Variants in CENPF observed in about 807,000 individuals in gnomAD.
CENPF encodes centromere protein F.
In CENPF, 214 loss-of-function variants were observed where a neutral mutation model predicts 307.3. The ratio of observed to expected loss-of-function variants is 0.70; its 90% CI spans 0.62 to 0.78. The LOEUF (loss-of-function observed/expected upper bound fraction) is 0.78, where lower values mean the gene tolerates loss of function less well. Ranked by LOEUF, CENPF falls within the 30% of genes least tolerant of loss-of-function variation. The pLI, the probability that CENPF is intolerant of heterozygous loss-of-function variation, is 0.00. For synonymous variants in CENPF, 1,259 were observed against 1,270.6 expected, an observed-to-expected ratio of 0.99 and a Z score of 0.19; for missense variants, 3,401 against 3,483.9, an observed-to-expected ratio of 0.98 and a Z score of 0.60.
chr1:214,608,452 A>T (rs1330053682), intron 1 of CENPF: 1 of 1,613,156 alleles, frequency 6.2e-7, no homozygotes, highest in Admixed American at 1.7e-5. Context: ...GCCAATGTAG[A>T]AGCTGCTCAT....
Position 214,627,333 on chromosome 1 carries a change from A to G in CENPF, c.1069-1713A>G, listed in dbSNP as rs144361658. Among the ~76,000 whole-genome samples the G allele has an allele frequency of 5.1e-3, 753 of 148,994 alleles. 3 individuals carry two copies. Among genetic ancestry groups the G allele is most frequent in the Non-Finnish European group, 8.4e-3 (571 of 67,588 alleles). On this transcript the variant is annotated intron_variant, in intron 7 of 19. Coordinates refer to ENST00000366955, the MANE Select transcript of CENPF (RefSeq NM_016343.4). ...CTCAGTCTCCCAAAGTGCTGGGATTACAGGTGTGAGACATCGCACCCAACC... is the reference window on the plus strand; with the variant it reads ...CTCAGTCTCCCAAAGTGCTGGGATTGCAGGTGTGAGACATCGCACCCAACC...
At position 214,651,896 on chromosome 1, in the gene CENPF, G is replaced by A. The variant is rs560011391; in HGVS notation, c.8160+10G>A. On this transcript the variant is annotated intron_variant, in intron 15 of 19. Coordinates refer to ENST00000366955, the MANE Select transcript of CENPF (RefSeq NM_016343.4). ...GGACACAAACAAACAGGTGAAATGT[G>A]GGGTTTGGTTACTGGGGGAGCTGGA... 13 of 1,589,582 alleles carry A rather than the reference G, an allele frequency of 8.2e-6. No individual in the cohort carries two copies. Among genetic ancestry groups the A allele is most frequent in the East Asian group, 6.7e-5 (3 of 44,678 alleles).
intron 19 of CENPF, among the ~76,000 whole-genome samples, chr1:214,663,182 A>T (rs1396263014): frequency 1.3e-5 from 2 of 152,300 alleles, no homozygotes; most frequent in East Asian, 3.9e-4. Context: ...TCATTTTAAA[A>T]TTTTCCACCC....
At chr1:214,603,488 G>A (rs1000802835) in intron 1 of CENPF, 167 bp downstream of exon 1, 8 of 152,214 alleles carry the variant, frequency 5.3e-5, no homozygotes, top group African/African-American at 1.9e-4. Flanking sequence ...CCACCCGACC[G>A]AACTGGAGAA....
In CENPF at chr1:214,646,880, G is replaced by A; in HGVS notation, c.7310G>A (p.Ser2437Asn). 6.2e-7 allele frequency: 1 copy of A among 1,613,640 alleles called. No individual in the cohort carries two copies. The highest frequency in any genetic ancestry group is 8.5e-7 in the Non-Finnish European group (1 of 1,179,872). Residue 2437 changes from serine to asparagine, a missense_variant, in exon 13 of 20, where the codon AGC (serine) becomes AAC (asparagine). By Grantham distance (46) the Ser-to-Asn change is conservative (BLOSUM62 1). Transcript: ENST00000366955. Reference sequence around the variant, plus strand: ...AAAGTACAGATGAAAGAAAAATCAAGCACTGCCATGGAGATGCTTCAAACA... The same window carrying A: ...AAAGTACAGATGAAAGAAAAATCAAACACTGCCATGGAGATGCTTCAAACA... ...QEKVQMKEKSSTAMEMLQTQL... is the reference protein window; with the variant it reads ...QEKVQMKEKSNTAMEMLQTQL...
At position 214,643,184 on chromosome 1, in the gene CENPF, G is replaced by A. The variant is rs754071930; in HGVS notation, c.4846G>A (p.Val1616Met). 19 of 1,604,768 alleles carry A rather than the reference G, an allele frequency of 1.2e-5. No homozygotes were observed. Among genetic ancestry groups the A allele is most frequent in the South Asian group, 2.2e-5 (2 of 89,564 alleles). The change falls in exon 12 of 20, where the codon GTG becomes ATG. Residue 1616 changes from valine (V) to methionine (M), a missense_variant. Physicochemically the swap from Val to Met is conservative, Grantham distance 21. Coordinates refer to ENST00000366955, the MANE Select transcript of CENPF (RefSeq NM_016343.4). ...ACAGTGGCAACAGAAGCTGACAAGC[G>A]TGACTCTGGAGATGGAGTCCAAGTT... ...NEQWQQKLTS[V>M]TLEMESKLAA...
At chr1:214,662,814 C>G (rs564681049) in intron 19 of CENPF, among the ~76,000 whole-genome samples, 2 of 150,752 alleles carry the variant, frequency 1.3e-5, no homozygotes, top group South Asian at 2.1e-4. Context: ...AAATCTTGCT[C>G]TGTCCCCCAG....
rs10686407 is a variant in CENPF at position 214,627,369 on chromosome 1, C to CTTTTT, written c.1069-1660_1069-1656dup. Among the ~76,000 whole-genome samples, 49 of 83,966 alleles carry CTTTTT rather than the reference C, an allele frequency of 5.8e-4. 2 individuals are homozygous for CTTTTT. The highest frequency in any genetic ancestry group is 2.0e-3 in the African/African-American group (38 of 18,932). 55.1% of individuals were successfully genotyped at this position (83,966 alleles called of 152,430 possible). On this transcript the variant is annotated intron_variant, in intron 7 of 19. Coordinates refer to ENST00000366955, the MANE Select transcript of CENPF (RefSeq NM_016343.4). Reference sequence around the variant, plus strand: ...ACATCGCACCCAACCCCCTCAGGCTCTTTTTTTTTTTTTTTTTTTTTGAGA... The same window carrying CTTTTT: ...ACATCGCACCCAACCCCCTCAGGCTCTTTTTTTTTTTTTTTTTTTTTTTTTTGAGA...
At chr1:214,617,469 G>A (rs940005126) in intron 3 of CENPF, among the ~76,000 whole-genome samples, 11 of 152,198 alleles carry the variant, frequency 7.2e-5, no homozygotes, top group Non-Finnish European at 2.9e-5. Context: ...AGAGACATAA[G>A]AGAGTTGGAA....
At position 214,653,249 on chromosome 1, in the gene CENPF, T is replaced by C. The variant is rs547039695; in HGVS notation, c.8322+260T>C. Among the ~76,000 whole-genome samples, 26 of 152,268 alleles carry C rather than the reference T, an allele frequency of 1.7e-4. No individual in the cohort carries two copies. In the East Asian group the frequency reaches 4.8e-3, roughly 28 times the overall value. ...GATGTTAAAGACTTCTTGAGATAGA[T>C]TTGAAGATCCAGCCACACAGCAGAT... On this transcript the variant is annotated intron_variant, in intron 16 of 19. Coordinates refer to ENST00000366955, the MANE Select transcript of CENPF (RefSeq NM_016343.4).
At chr1:214,608,943 G>C (rs1657120365) in intron 1 of CENPF, 2 of 1,145,982 alleles carry the variant, frequency 1.7e-6, no homozygotes, top group Admixed American at 4.1e-5. Context: ...GTCGCGGGCA[G>C]GGGGGAGGGC....
At position 214,606,276 on chromosome 1, in the gene CENPF, G is replaced by T. The variant is rs549355580; in HGVS notation, c.-42+2955G>T. 2.5e-3 allele frequency among the ~76,000 whole-genome samples: 378 copies of T among 152,236 alleles called. 2 individuals carry two copies. Among genetic ancestry groups the T allele is most frequent in the African/African-American group, 8.7e-3 (362 of 41,564 alleles). ...AACACCGCGGCGGTGGGCGAAGCCA[G>T]CGGCCCCACCCCGTTCCCTGGCGCT... On this transcript the variant is annotated intron_variant, in intron 1 of 19. Transcript: ENST00000366955.
intron 6 of CENPF, among the ~76,000 whole-genome samples, chr1:214,621,456 TAGA>T (rs996111092): frequency 2.5e-4 from 38 of 152,234 alleles, no homozygotes; most frequent in Admixed American, 9.8e-4. Flanking sequence ...ATCTACTCTG[TAGA>T]AGATGATAAT....
intron 14 of CENPF, among the ~76,000 whole-genome samples, chr1:214,649,585 G>C (rs1348733199): frequency 2.0e-5 from 3 of 152,184 alleles, no homozygotes; most frequent in Admixed American, 2.0e-4. Context: ...TGTATAAAGA[G>C]TTGGAGAGAT....
chr1:214,633,244 G>C (rs1175384175), intron 10 of CENPF, among the ~76,000 whole-genome samples: 2 of 152,170 alleles, frequency 1.3e-5, no homozygotes, highest in African/African-American at 2.4e-5. Context: ...GGTGGATGAG[G>C]GTTCCTGAAT....
At position 214,642,192 on chromosome 1, in the gene CENPF, A is replaced by T. The variant is rs766863946; in HGVS notation, c.3854A>T (p.Asp1285Val). The T allele has an allele frequency of 1.4e-5, 22 of 1,614,176 alleles. No individual in the cohort carries two copies. In the Admixed American group the frequency reaches 3.7e-4, roughly 27 times the overall value. ...GPHELSTSQN[D>V]NAHLQCSLQT... ...CATGAGTTGTCAACAAGTCAAAACG[A>T]CAATGCACACCTTCAGTGCTCTCTG... Residue 1285 changes from aspartate to valine, a missense_variant, in exon 12 of 20, where the codon GAC (aspartate) becomes GTC (valine). By Grantham distance (152) the Asp-to-Val change is radical. Coordinates refer to ENST00000366955, the MANE Select transcript of CENPF (RefSeq NM_016343.4).
intron 12 of CENPF, 80 bp downstream of exon 12, chr1:214,643,404 G>A (rs1658192025): frequency 8.3e-7 from 1 of 1,208,776 alleles, no homozygotes; most frequent in Non-Finnish European, 1.1e-6. Flanking sequence ...TAATTGAAAT[G>A]TACATTAAAC....
intron 7 of CENPF, among the ~76,000 whole-genome samples, chr1:214,626,483 T>C (rs943594142): frequency 6.6e-6 from 1 of 152,210 alleles, no homozygotes; most frequent in African/African-American, 2.4e-5. Context: ...AAAGATTGAT[T>C]AGATATATAA....
At position 214,647,158 on chromosome 1, in the gene CENPF, CA is replaced by C; in HGVS notation, c.7591del (p.Ile2531PhefsTer26). On this transcript the variant is annotated frameshift_variant, in exon 13 of 20. Coordinates refer to ENST00000366955, the MANE Select transcript of CENPF (RefSeq NM_016343.4). LOFTEE classifies it high-confidence loss of function. ...KDEEISRLKN[Q>X]IQDQEQLVSK... ...TGAAGAAATCAGTAGACTGAAAAAT[CA>C]AATTCAAGACCAAGAGCAGCTTGTC... 6.2e-7 allele frequency: 1 copy of C among 1,614,000 alleles called. No homozygotes were observed. The highest frequency in any genetic ancestry group is 8.5e-7 in the Non-Finnish European group (1 of 1,179,962).
Sources: gnomAD v4.1 joint callset for allele counts (sites outside exome capture counted in the v4.1 genomes callset) on GRCh38, gnomAD v4.1.1 for gene constraint, MANE v1.5 for transcripts, NCBI Gene and HGNC (gene_info 2026-07-23, HGNC 2026-07-21) for gene names.